Variants in NTRK2 observed in about 807,000 individuals in gnomAD.
The protein encoded by NTRK2 is BDNF/NT-3 growth factors receptor.
NTRK2 carries 13 observed loss-of-function variants against 94.5 expected under a neutral mutation model. The observed-to-expected ratio is 0.14, with a 90% CI of 0.09 to 0.22. NTRK2 has a LOEUF of 0.22. Ranked by LOEUF, NTRK2 falls within the 10% of genes least tolerant of loss-of-function variation. The pLI is 1.00. For synonymous variants in NTRK2, 372 were observed against 407.4 expected, an observed-to-expected ratio of 0.91 and a Z score of 1.05; for missense variants, 639 against 1,071.2, an observed-to-expected ratio of 0.60 and a Z score of 5.63.
intron 17 of NTRK2, among the ~76,000 whole-genome samples, chr9:84,993,443 G>A (rs2133339120): frequency 6.6e-6 from 1 of 152,230 alleles, no homozygotes; most frequent in South Asian, 2.1e-4. Flanking sequence ...CATCTGCCAA[G>A]TTCTGTAAGA....
chr9:84,894,164 G>GGGGC (rs1475794739), intron 14 of NTRK2, among the ~76,000 whole-genome samples: 2 of 134,490 alleles, frequency 1.5e-5, no homozygotes, highest in African/African-American at 3.5e-5. Context: ...TTGACTATTT[G>GGGGC]GGAGAATATA....
intron 2 of NTRK2, among the ~76,000 whole-genome samples, chr9:84,701,586 G>A (rs559892281): frequency 6.6e-6 from 1 of 152,256 alleles, no homozygotes; most frequent in South Asian, 2.1e-4. Flanking sequence ...TGGGGTTTGT[G>A]AAATGTGGTT....
At chr9:84,813,567 A>T in intron 12 of NTRK2, 1 of 1,065,590 alleles carries the variant, frequency 9.4e-7, no homozygotes, top group Non-Finnish European at 1.1e-6. Context: ...TTAACAGCCC[A>T]GTTATCTGCA....
At chr9:84,931,383 G>A (rs113004717) in intron 14 of NTRK2, among the ~76,000 whole-genome samples, 5,545 of 151,168 alleles carry the variant, frequency 0.037, 135 homozygotes, top group Admixed American at 0.06. Context: ...CTCCAGCCTG[G>A]GCGACAGAGC....
intron 17 of NTRK2, among the ~76,000 whole-genome samples, chr9:84,960,794 G>A (rs1217496530): frequency 6.6e-6 from 1 of 152,160 alleles, no homozygotes; most frequent in African/African-American, 2.4e-5. Flanking sequence ...TCATATCTAT[G>A]TCTCTCATTA....
chr9:85,005,584 G>A (rs1207543806), intron 17 of NTRK2, among the ~76,000 whole-genome samples: 1 of 152,160 alleles, frequency 6.6e-6, no homozygotes, highest in Non-Finnish European at 1.5e-5. Context: ...TACAGATATA[G>A]ACACACACCC....
At chr9:84,984,387 G>T (rs146245980) in intron 17 of NTRK2, among the ~76,000 whole-genome samples, 1 of 152,112 alleles carries the variant, frequency 6.6e-6, no homozygotes, top group African/African-American at 2.4e-5. Context: ...CATGAGAATC[G>T]CTTGAACCCG....
chr9:84,963,370 C>G (rs1348493690), intron 17 of NTRK2, among the ~76,000 whole-genome samples: 3 of 152,230 alleles, frequency 2.0e-5, no homozygotes, highest in Admixed American at 1.3e-4. Flanking sequence ...AGAAAATTAT[C>G]TGTCACATTG....
chr9:84,733,182 G>C (rs987343370), intron 9 of NTRK2, among the ~76,000 whole-genome samples: 1 of 152,192 alleles, frequency 6.6e-6, no homozygotes, highest in Non-Finnish European at 1.5e-5. Flanking sequence ...GAAGCCCCTT[G>C]GTGGGGTGGT....
intron 14 of NTRK2, among the ~76,000 whole-genome samples, chr9:84,930,294 G>T (rs1266311814): frequency 6.6e-6 from 1 of 152,196 alleles, no homozygotes; most frequent in African/African-American, 2.4e-5. Flanking sequence ...TTACAGCTTA[G>T]GCAGGTTACT....
chr9:84,881,164 G>A (rs1190069108), intron 14 of NTRK2, among the ~76,000 whole-genome samples: 1 of 152,198 alleles, frequency 6.6e-6, no homozygotes, highest in Non-Finnish European at 1.5e-5. Flanking sequence ...GGTTATGTAT[G>A]TTTCTGCATG....
intron 6 of NTRK2, among the ~76,000 whole-genome samples, chr9:84,715,565 T>C (rs1588127995): frequency 6.6e-6 from 1 of 152,200 alleles, no homozygotes; most frequent in South Asian, 2.1e-4. Flanking sequence ...ACTTTGTTAA[T>C]TGCAAGGCAA....
At chr9:84,956,686 AT>A (rs1242825743) in intron 17 of NTRK2, among the ~76,000 whole-genome samples, 1 of 152,046 alleles carries the variant, frequency 6.6e-6, no homozygotes. Context: ...ATTGTTATTT[AT>A]TTTTGAGGAG....
chr9:84,875,576 G>T, intron 14 of NTRK2: 1 of 1,062,630 alleles, frequency 9.4e-7, no homozygotes, highest in Middle Eastern at 4.2e-4. Flanking sequence ...GAGTATGCTG[G>T]ATCTTAAAGG....
chr9:84,980,538 G>A (rs921459892), intron 17 of NTRK2, among the ~76,000 whole-genome samples: 1 of 152,192 alleles, frequency 6.6e-6, no homozygotes, highest in Admixed American at 6.5e-5. Context: ...ATCCAGCCTT[G>A]AGAAGATAAT....
intron 9 of NTRK2, among the ~76,000 whole-genome samples, chr9:84,732,713 G>T (rs1051518758): frequency 2.0e-5 from 3 of 151,988 alleles, no homozygotes; most frequent in African/African-American, 7.3e-5. Flanking sequence ...TGTCCCTGCT[G>T]CCCAGGTGAA....
chr9:85,023,136 A>G lies in NTRK2; in HGVS notation c.*1699A>G. On this transcript the variant is annotated 3_prime_UTR_variant, in exon 19 of 19. Coordinates refer to ENST00000277120, the MANE Select transcript of NTRK2 (RefSeq NM_006180.6). ...TTCTAGGCATAGTCATTGGTTTTGC[A>G]AAAAGAGGGCTCAAATTTAAATAGA... The G allele has an allele frequency of 4.3e-6, 1 of 233,022 alleles. No individual in the cohort carries two copies. The allele number at this position is 233,022 out of a possible 1,614,324, so 14.4% of individuals were successfully genotyped here.
intron 10 of NTRK2, among the ~76,000 whole-genome samples, chr9:84,742,337 C>G (rs1261740589): frequency 6.6e-6 from 1 of 152,160 alleles, no homozygotes; most frequent in East Asian, 1.9e-4. Flanking sequence ...ATGGGAACCT[C>G]AAAGGTAGGG....
intron 13 of NTRK2, among the ~76,000 whole-genome samples, chr9:84,864,747 T>C (rs533156088): frequency 7.3e-6 from 1 of 136,440 alleles, no homozygotes; most frequent in East Asian, 2.0e-4. Flanking sequence ...TTTTTTTTTT[T>C]TTTTTTTTTT....
Sources: allele counts gnomAD v4.1 joint callset (sites outside exome capture counted in the v4.1 genomes callset), GRCh38; gene constraint gnomAD v4.1.1; transcripts MANE v1.5; gene names NCBI Gene and HGNC (gene_info 2026-07-23, HGNC 2026-07-21).